CXXC4: variants seen among roughly 807,000 people sequenced by gnomAD.
The protein encoded by CXXC4 is CXXC finger protein 4.
CXXC4 carries 5 observed loss-of-function variants against 20.5 expected under a neutral mutation model. The ratio of observed to expected loss-of-function variants is 0.24; its 90% CI spans 0.13 to 0.51. CXXC4 has a LOEUF of 0.51. Among genes scored for constraint, CXXC4 ranks in the 20% least tolerant of loss-of-function variants. The pLI, the probability that CXXC4 is intolerant of heterozygous loss-of-function variation, is 0.97. For missense variants in CXXC4, 419 were observed against 496.4 expected (o/e 0.84, Z 1.48); for synonymous variants, 250 against 216.4 (o/e 1.16, Z -1.36).
intron 2 of CXXC4, among the ~76,000 whole-genome samples, chr4:104,489,524 C>T (rs1253776199): frequency 6.6e-6 from 1 of 152,180 alleles, no homozygotes; most frequent in African/African-American, 2.4e-5. Flanking sequence ...TCTCATCCTG[C>T]AACTCACTCC....
intron 2 of CXXC4, among the ~76,000 whole-genome samples, chr4:104,478,412 G>A (rs1211493203): frequency 2.0e-5 from 3 of 152,112 alleles, no homozygotes; most frequent in African/African-American, 4.8e-5. Context: ...GTGTGTACAC[G>A]GTGGGAGTGG....
At chr4:104,493,234 C>T (rs1736949458) in intron 1 of CXXC4, among the ~76,000 whole-genome samples, 1 of 152,130 alleles carries the variant, frequency 6.6e-6, no homozygotes. Context: ...AAGTACATCA[C>T]AGCCTTTTAA....
chr4:104,487,085 G>A (rs971280016), intron 2 of CXXC4, among the ~76,000 whole-genome samples: 3 of 152,110 alleles, frequency 2.0e-5, no homozygotes, highest in African/African-American at 7.2e-5. Flanking sequence ...TCGGCAGATA[G>A]ATTTTTAAGA....
At chr4:104,493,456 TA>T (rs2110282481) in intron 1 of CXXC4, among the ~76,000 whole-genome samples, 1 of 152,296 alleles carries the variant, frequency 6.6e-6, no homozygotes, top group South Asian at 2.1e-4. Context: ...TAATTATGCT[TA>T]TAATTAGGTT....
intron 2 of CXXC4, among the ~76,000 whole-genome samples, chr4:104,482,891 T>C (rs193105009): frequency 1.1e-4 from 16 of 151,992 alleles, no homozygotes; most frequent in Admixed American, 3.9e-4. Flanking sequence ...TGGTGTGGGG[T>C]TTTTTGTTCT....
At chr4:104,473,729 G>C (rs1324843651) in intron 2 of CXXC4, among the ~76,000 whole-genome samples, 1 of 151,708 alleles carries the variant, frequency 6.6e-6, no homozygotes, top group East Asian at 1.9e-4. Context: ...ATATTTACTA[G>C]GTAAACAAAA....
chr4:104,471,520 G>T lies in CXXC4; in HGVS notation c.*802C>A, dbSNP rs991228738. On this transcript the variant is annotated 3_prime_UTR_variant, in exon 3 of 3. Transcript: ENST00000394767. The stretch of plus-strand genomic sequence containing the variant: ...TGCCTTACAGTGCAACCCAAGACAA[G>T]TCAACTACACTAAGTATTTGGGAGG... 1 of 151,964 alleles carries T rather than the reference G, an allele frequency of 6.6e-6. No homozygotes were observed. The highest frequency in any genetic ancestry group is 6.6e-5 in the Admixed American group (1 of 15,216). The allele number at this position is 151,964 out of a possible 1,614,324, so 9.4% of individuals were successfully genotyped here. A position where few individuals can be genotyped will look rare whatever the true frequency, so the allele number is the denominator to read the frequency against.
intron 2 of CXXC4, among the ~76,000 whole-genome samples, chr4:104,476,240 G>T (rs1195693487): frequency 6.6e-6 from 1 of 152,080 alleles, no homozygotes; most frequent in Non-Finnish European, 1.5e-5. Context: ...CTGCAGTGAT[G>T]AAATAATTAA....
In CXXC4 at chr4:104,472,171, T is replaced by TC. The variant is rs1368071139; in HGVS notation, c.*150dup. The TC allele has an allele frequency of 1.1e-5, 4 of 366,050 alleles. No homozygotes were observed. Among genetic ancestry groups the TC allele is most frequent in the Admixed American group, 4.5e-5 (1 of 22,050 alleles). 22.7% of individuals were successfully genotyped at this position (366,050 alleles called of 1,614,324 possible). On this transcript the variant is annotated 3_prime_UTR_variant, in exon 3 of 3. Transcript: ENST00000394767. ...TTTATGTCTTTTTCTTTTCTTTTCC[T>TC]CTTTTTTTTTTTTTTTGAAGAAAGC...
At chr4:104,480,357 G>A (rs1736520745) in intron 2 of CXXC4, among the ~76,000 whole-genome samples, 1 of 151,928 alleles carries the variant, frequency 6.6e-6, no homozygotes, top group Non-Finnish European at 1.5e-5. Flanking sequence ...TTATATGCAC[G>A]ATTCTGTATT....
intron 2 of CXXC4, among the ~76,000 whole-genome samples, chr4:104,489,729 C>A (rs1460110939): frequency 6.6e-6 from 1 of 152,106 alleles, no homozygotes; most frequent in Non-Finnish European, 1.5e-5. Flanking sequence ...TTGTTTTGAT[C>A]AGGACACAAT....
chr4:104,472,411 C>T, intron 2 of CXXC4, 45 bp from the exon 3 acceptor site: 2 of 1,438,016 alleles, frequency 1.4e-6, no homozygotes, highest in Non-Finnish European at 9.6e-7. Context: ...TCTTTCTATG[C>T]CAATATAAAA....
chr4:104,485,343 T>C (rs1056264051), intron 2 of CXXC4, among the ~76,000 whole-genome samples: 2 of 152,130 alleles, frequency 1.3e-5, no homozygotes, highest in Non-Finnish European at 2.9e-5. Flanking sequence ...ATTTAACTTA[T>C]GACTTTAACT....
chr4:104,478,805 T>G (rs972900004), intron 2 of CXXC4, among the ~76,000 whole-genome samples: 4 of 151,934 alleles, frequency 2.6e-5, no homozygotes, highest in African/African-American at 4.8e-5. Flanking sequence ...AGAGAGAATG[T>G]GAAAGAAAAT....
rs1736859418 is a variant in CXXC4, at chr4:104,491,361, A to AGGAGGCGGAGGAGGAGGC, written c.424_441dup (p.Ala142_Ser147dup). The stretch of plus-strand genomic sequence containing the variant: ...CCGGCGGGGAGGATCGCCGAGGAGG[A>AGGAGGCGGAGGAGGAGGC]GGAGGCGGAGGAGGAGGCGGCGGCG... On this transcript the variant is annotated inframe_insertion, in exon 2 of 3. Coordinates refer to ENST00000394767, the MANE Select transcript of CXXC4 (RefSeq NM_025212.4). 4.2e-6 allele frequency: 6 copies of AGGAGGCGGAGGAGGAGGC among 1,429,744 alleles called. No homozygotes were observed. Among genetic ancestry groups the AGGAGGCGGAGGAGGAGGC allele is most frequent in the Non-Finnish European group, 5.5e-6 (6 of 1,095,014 alleles). The allele number at this position is 1,429,744 out of a possible 1,614,324, so 88.6% of individuals were successfully genotyped here. A position where few individuals can be genotyped will look rare whatever the true frequency, so the allele number is the denominator to read the frequency against.
intron 2 of CXXC4, among the ~76,000 whole-genome samples, chr4:104,480,429 A>G (rs59514379): frequency 2.0e-5 from 3 of 152,290 alleles, no homozygotes; most frequent in East Asian, 3.9e-4. Context: ...CCATCAGTTC[A>G]TTATAGGGGT....
intron 2 of CXXC4, among the ~76,000 whole-genome samples, chr4:104,488,014 T>C (rs1449143026): frequency 6.6e-6 from 1 of 152,168 alleles, no homozygotes; most frequent in African/African-American, 2.4e-5. Flanking sequence ...TCTCCAGTCT[T>C]TGGGATGAGA....
intron 2 of CXXC4, among the ~76,000 whole-genome samples, chr4:104,482,712 A>T (rs1350724229): frequency 1.3e-5 from 2 of 152,108 alleles, no homozygotes; most frequent in Non-Finnish European, 2.9e-5. Context: ...ATCTTGTTTC[A>T]TTCTCTAAAT....
rs1736830852 is a variant in CXXC4, at chr4:104,490,936, C to G, written c.867G>C (p.Ser289=). ...CTCCGCCAGCTCCCCCTGAGGAGGACGAGGAGGAGGAGGAATGATTCTGCG... is the reference window on the plus strand; with the variant it reads ...CTCCGCCAGCTCCCCCTGAGGAGGAGGAGGAGGAGGAGGAATGATTCTGCG... ...DCPQNHSSSS[S]SSSGGAGGAN... The change falls in exon 2 of 3, where the codon TCG becomes TCC. Residue 289 remains serine (S), a synonymous_variant. Transcript: ENST00000394767. 5.6e-6 allele frequency: 9 copies of G among 1,613,904 alleles called. No homozygotes were observed. The highest frequency in any genetic ancestry group is 1.7e-5 in the Admixed American group (1 of 60,008).
Sources: gnomAD v4.1 joint callset for allele counts (sites outside exome capture counted in the v4.1 genomes callset) on GRCh38, gnomAD v4.1.1 for gene constraint, MANE v1.5 for transcripts, NCBI Gene and HGNC (gene_info 2026-07-23, HGNC 2026-07-21) for gene names.